Variants in BCL3 observed in about 807,000 individuals in gnomAD.
The protein encoded by BCL3 is B-cell lymphoma 3 protein.
Under a neutral mutation model 35.7 loss-of-function variants are expected in BCL3, and 15 were observed. The observed-to-expected ratio is 0.42, with a 90% CI of 0.28 to 0.65. BCL3 has a LOEUF of 0.65. Ranked by LOEUF, BCL3 falls within the 30% of genes least tolerant of loss-of-function variation. The pLI, the probability that BCL3 is intolerant of heterozygous loss-of-function variation, is 0.22. For missense variants in BCL3, 565 were observed against 641.7 expected, an observed-to-expected ratio of 0.88 and a Z score of 1.29; for synonymous variants, 311 against 284.3, an observed-to-expected ratio of 1.09 and a Z score of -0.95.
At chr19:44,756,361 G>T (rs761927471) in intron 3 of BCL3, 21 bp downstream of exon 3, 14 of 1,446,894 alleles carry the variant, frequency 9.7e-6, no homozygotes, top group Non-Finnish European at 5.5e-6. Context: ...GTCTGAGGGA[G>T]GAGGGCTGGG....
At chr19:44,756,150 T>G (rs1281567594) in intron 2 of BCL3, 82 bp from the exon 3 acceptor site, 1 of 955,392 alleles carries the variant, frequency 1.0e-6, no homozygotes, top group East Asian at 3.2e-5. Context: ...TTCAACACAT[T>G]GGAGTTAGCA....
chr19:44,748,761 C>T lies in BCL3; in HGVS notation c.-30C>T, dbSNP rs1210568106. The T allele has an allele frequency of 9.1e-7, 1 of 1,093,070 alleles. No homozygotes were observed. Among genetic ancestry groups the T allele is most frequent in the Non-Finnish European group, 1.1e-6 (1 of 899,458 alleles). 67.7% of individuals were successfully genotyped at this position (1,093,070 alleles called of 1,614,324 possible). On this transcript the variant is annotated 5_prime_UTR_variant, in exon 1 of 9. Coordinates refer to ENST00000164227, the MANE Select transcript of BCL3 (RefSeq NM_005178.5). ...ACCCTCCCGTGCAGCCGAGCCCAGC[C>T]GCTCTCCGGCCGCCGTCCCCGGCGG...
At chr19:44,747,727 C>A, upstream of BCL3, 2 of 785,660 alleles carry the variant, frequency 2.5e-6, no homozygotes, top group Non-Finnish European at 3.2e-6. Context: ...GCTCCTGCAG[C>A]ACCGGCCTCG....
At chr19:44,752,034 GAGTA>G (rs540410955) in intron 2 of BCL3, among the ~76,000 whole-genome samples, 219 of 151,872 alleles carry the variant, frequency 1.4e-3, no homozygotes, top group African/African-American at 4.9e-3. Context: ...CATAAATGTT[GAGTA>G]AGTGTTTGTT....
rs149106894 is a variant in BCL3 at position 44,757,061 on chromosome 19, C to G, written c.564C>G (p.Val188=). 2 of 1,611,128 alleles carry G rather than the reference C, an allele frequency of 1.2e-6. No individual in the cohort carries two copies. The highest frequency in any genetic ancestry group is 1.7e-6 in the Non-Finnish European group (2 of 1,179,028). Residue 188 remains valine, a synonymous_variant, in exon 4 of 9, where the codon GTC becomes GTG. Coordinates refer to ENST00000164227, the MANE Select transcript of BCL3 (RefSeq NM_005178.5). The surrounding 1 kb of genome is among the most constrained non-coding windows in gnomAD (Gnocchi z 8.4). The part of the protein sequence containing the change: ...LAVITTLPSV[V]RLLVTAGASP... ...TGATCACCACATTACCGTCTGTGGT[C>G]CGGCTCCTGGTGACAGCTGGTGCCA... is the stretch of plus-strand genomic sequence containing the variant.
At chr19:44,751,446 C>A in intron 2 of BCL3, 66 bp downstream of exon 2, 1 of 1,455,336 alleles carries the variant, frequency 6.9e-7, no homozygotes, top group South Asian at 1.4e-5. Context: ...AACACAGGGC[C>A]ACTCAGCTCC....
intron 8 of BCL3, 32 bp downstream of exon 8, chr19:44,758,873 C>G (rs371088948): frequency 6.6e-7 from 1 of 1,515,244 alleles, no homozygotes; most frequent in Non-Finnish European, 8.9e-7. Flanking sequence ...CCAGCCCTGG[C>G]GCCTCCTCCC....
chr19:44,754,223 G>A (rs1967237508), intron 2 of BCL3, among the ~76,000 whole-genome samples: 1 of 152,208 alleles, frequency 6.6e-6, no homozygotes, highest in African/African-American at 2.4e-5. Flanking sequence ...CCCAAGAGAT[G>A]TTGGGGGTGG....
In BCL3 at chr19:44,757,582, G is replaced by C; in HGVS notation, c.814-64G>C. On this transcript the variant is annotated intron_variant, in intron 5 of 8. Transcript: ENST00000164227. The surrounding 1 kb of genome is among the most constrained non-coding windows in gnomAD (Gnocchi z 8.4). ...GACCCCGCGAATGGGATGTGGACGG[G>C]ATGCGGGTCGCCGGCTGCTGGAGCA... is the stretch of plus-strand genomic sequence containing the variant. 1 of 1,585,718 alleles carries C rather than the reference G, an allele frequency of 6.3e-7. No homozygotes were observed. Among genetic ancestry groups the C allele is most frequent in the South Asian group, 1.1e-5 (1 of 89,998 alleles).
At chr19:44,748,464 AC>A (rs1194178006), upstream of BCL3, 2 of 131,088 alleles carry the variant, frequency 1.5e-5, no homozygotes, top group Non-Finnish European at 3.4e-5. Flanking sequence ...CTCTCCCCCC[AC>A]CCCTCCTTTC....
chr19:44,759,844 T>G lies in BCL3; in HGVS notation c.*229T>G. On this transcript the variant is annotated 3_prime_UTR_variant, in exon 9 of 9. Transcript: ENST00000164227. ...TGACCCCAGCATTCTCAGGCACCAG[T>G]CCCTGTCCGGAATGCCACCCACATC... 1 of 452,962 alleles carries G rather than the reference T, an allele frequency of 2.2e-6. No homozygotes were observed. The highest frequency in any genetic ancestry group is 3.9e-6 in the Non-Finnish European group (1 of 258,788). The allele number at this position is 452,962 out of a possible 1,614,324, so 28.1% of individuals were successfully genotyped here.
intron 2 of BCL3, chr19:44,755,312 C>G (rs1967260228): frequency 6.6e-6 from 1 of 152,338 alleles, no homozygotes; most frequent in Non-Finnish European, 1.5e-5. Context: ...ACGGCCTCAG[C>G]TGTCCCACAG....
At chr19:44,748,056 G>A (rs1330912358), upstream of BCL3, 1 of 1,343,960 alleles carries the variant, frequency 7.4e-7, no homozygotes, top group Non-Finnish European at 9.8e-7. Context: ...CCTGCCCCGG[G>A]TGCGTCTCTT....
At chr19:44,750,127 C>T (rs1254252565) in intron 1 of BCL3, among the ~76,000 whole-genome samples, 1 of 152,180 alleles carries the variant, frequency 6.6e-6, no homozygotes, top group Non-Finnish European at 1.5e-5. Context: ...ACCCTCCACC[C>T]CATCAGCGTG....
In BCL3 at chr19:44,757,730, A is replaced by G; in HGVS notation, c.891+7A>G. ...GGTGCAGCTGCTGCTGCAGGTGCGT[A>G]CAGCCCCCCTGAGCCTCGCGCCCAC... On this transcript the variant is annotated splice_region_variant and intron_variant, in intron 6 of 8. Coordinates refer to ENST00000164227, the MANE Select transcript of BCL3 (RefSeq NM_005178.5). This position sits in a 1 kb window ranked among gnomAD's most constrained non-coding sequence, Gnocchi z 8.4. 1 of 1,613,480 alleles carries G rather than the reference A, an allele frequency of 6.2e-7. No homozygotes were observed. The highest frequency in any genetic ancestry group is 8.5e-7 in the Non-Finnish European group (1 of 1,179,708).
chr19:44,749,961 C>T (rs535711901), intron 1 of BCL3, among the ~76,000 whole-genome samples: 7 of 152,238 alleles, frequency 4.6e-5, no homozygotes, highest in Admixed American at 3.3e-4. Context: ...CAGCAGATGA[C>T]GAAGACCACA....
At chr19:44,758,138 C>T in intron 6 of BCL3, 108 bp from the exon 7 acceptor site, 1 of 1,198,156 alleles carries the variant, frequency 8.3e-7, no homozygotes, top group Non-Finnish European at 1.1e-6. Context: ...GACCCCACCC[C>T]GATCCGGTGC....
chr19:44,752,939 G>A (rs1003352305), intron 2 of BCL3, among the ~76,000 whole-genome samples: 3 of 152,222 alleles, frequency 2.0e-5, no homozygotes, highest in African/African-American at 4.8e-5. Context: ...TGTTTCTGCA[G>A]AGAAGTAGCA....
At chr19:44,752,774 G>A (rs762256963) in intron 2 of BCL3, among the ~76,000 whole-genome samples, 10 of 152,130 alleles carry the variant, frequency 6.6e-5, no homozygotes, top group South Asian at 2.1e-4. Flanking sequence ...GCGTGGCCAC[G>A]TTCTACTCCC....
Sources: gnomAD v4.1 joint callset for allele counts (sites outside exome capture counted in the v4.1 genomes callset) on GRCh38, gnomAD v4.1.1 for gene constraint, Gnocchi (gnomAD v3.1) non-coding constraint, MANE v1.5 for transcripts, NCBI Gene and HGNC (gene_info 2026-07-23, HGNC 2026-07-21) for gene names.